AAMP: variants seen among roughly 807,000 people sequenced by gnomAD.
AAMP encodes the protein angio-associated migratory cell protein.
A neutral mutation model predicts 51.1 loss-of-function variants in AAMP; 12 were observed. The ratio of observed to expected loss-of-function variants is 0.23; its 90% CI spans 0.15 to 0.38. The LOEUF (loss-of-function observed/expected upper bound fraction) is 0.38, where lower values mean the gene tolerates loss of function less well. AAMP is among the 10% of genes least tolerant of loss of function. The pLI is 1.00. For synonymous variants in AAMP, 210 were observed against 218.7 expected (o/e 0.96, Z 0.35); for missense variants, 418 against 557.2 (o/e 0.75, Z 2.52).
Position 218,266,084 on chromosome 2 carries a change from C to G in AAMP, c.743G>C (p.Ser248Thr). 1 of 1,614,200 alleles carries G rather than the reference C, an allele frequency of 6.2e-7. No individual in the cohort carries two copies. Among genetic ancestry groups the G allele is most frequent in the East Asian group, 2.2e-5 (1 of 44,878 alleles). ...GATACCTTTCAGTACATGGATAGGG[C>G]TTCCCTGCTTCAGGTCCCAAATCCT... Reference protein sequence around the residue: ...TIRIWDLKQGSPIHVLKGTEG... With the variant: ...TIRIWDLKQGTPIHVLKGTEG... The change falls in exon 6 of 11, where the codon AGC (serine) becomes ACC (threonine). Residue 248 changes from serine (S) to threonine (T), a missense_variant. Coordinates refer to ENST00000248450, the MANE Select transcript of AAMP (RefSeq NM_001087.5). This position sits in a 1 kb window ranked among gnomAD's most constrained non-coding sequence, Gnocchi z 4.7.
Position 218,267,372 on chromosome 2 carries a change from C to G in AAMP, c.394+122G>C. On this transcript the variant is annotated intron_variant, in intron 3 of 10. Transcript: ENST00000248450. This position sits in a 1 kb window ranked among gnomAD's most constrained non-coding sequence, Gnocchi z 4.6. Reference sequence around the variant, plus strand: ...CGCCCCGTGTCCCTGGGGCCCAGCACAGAGCTGGCACAAAAGAGATGTCAC... The same window carrying G: ...CGCCCCGTGTCCCTGGGGCCCAGCAGAGAGCTGGCACAAAAGAGATGTCAC... 6.9e-7 allele frequency: 1 copy of G among 1,446,670 alleles called. No homozygotes were observed. The highest frequency in any genetic ancestry group is 1.3e-5 in the South Asian group (1 of 78,494). The allele number at this position is 1,446,670 out of a possible 1,614,324, so 89.6% of individuals were successfully genotyped here. A position where few individuals can be genotyped will look rare whatever the true frequency, so the allele number is the denominator to read the frequency against.
intron 1 of AAMP, 25 bp downstream of exon 1, chr2:218,269,941 T>C (rs371008027): frequency 1.2e-6 from 2 of 1,613,918 alleles, no homozygotes; most frequent in Admixed American, 1.7e-5. Context: ...TCCTGTCCCA[T>C]GGCCTGAGGA....
Position 218,266,192 on chromosome 2 carries a change from A to C in AAMP, c.680-45T>G, listed in dbSNP as rs776528155. On this transcript the variant is annotated intron_variant, in intron 5 of 10. Coordinates refer to ENST00000248450, the MANE Select transcript of AAMP (RefSeq NM_001087.5). This position sits in a 1 kb window ranked among gnomAD's most constrained non-coding sequence, Gnocchi z 4.7. ...AAGAGAGGGCAGAGGGCACGCTCAC[A>C]TACACTAAGCAAGGGAATGGGGAGA... 1 of 1,553,402 alleles carries C rather than the reference A, an allele frequency of 6.4e-7. No individual in the cohort carries two copies. The highest frequency in any genetic ancestry group is 8.9e-7 in the Non-Finnish European group (1 of 1,125,218).
rs149305378 is a variant in AAMP at position 218,270,045 on chromosome 2, G to C, written c.42C>G (p.Pro14=). The C allele has an allele frequency of 2.0e-5, 32 of 1,614,022 alleles. No homozygotes were observed. Among genetic ancestry groups the C allele is most frequent in the Non-Finnish European group, 1.9e-5 (22 of 1,180,010 alleles). ...CATGGAAGCTTAGGGTCTCCAGTGG[G>C]GGGGTGTCAGCAGCAGCCCCGCTTT... The part of the protein sequence containing the change: ...ESESGAAADT[P]PLETLSFHGD... Residue 14 remains proline, a synonymous_variant, in exon 1 of 11, where the codon CCC becomes CCG. Coordinates refer to ENST00000248450, the MANE Select transcript of AAMP (RefSeq NM_001087.5).
chr2:218,266,369 C>T lies in AAMP; in HGVS notation c.679+74G>A. The T allele has an allele frequency of 1.3e-6, 2 of 1,565,764 alleles. No homozygotes were observed. The highest frequency in any genetic ancestry group is 1.7e-6 in the Non-Finnish European group (2 of 1,149,282). ...ATTTTGCCGGCTGTGACCCAGAAGGCTGCTCTGGGAGGTGTATATCCCGGG... is the reference window on the plus strand; with the variant it reads ...ATTTTGCCGGCTGTGACCCAGAAGGTTGCTCTGGGAGGTGTATATCCCGGG... On this transcript the variant is annotated intron_variant, in intron 5 of 10. Coordinates refer to ENST00000248450, the MANE Select transcript of AAMP (RefSeq NM_001087.5). This position sits in a 1 kb window ranked among gnomAD's most constrained non-coding sequence, Gnocchi z 4.7.
chr2:218,268,675 T>TAACTTTTATC (rs1481542058), intron 2 of AAMP, among the ~76,000 whole-genome samples: 1 of 151,466 alleles, frequency 6.6e-6, no homozygotes, highest in Non-Finnish European at 1.5e-5. Context: ...CTACTTTTAT[T>TAACTTTTATC]AACTTTTATC....
intron 1 of AAMP, 53 bp downstream of exon 1, chr2:218,269,913 A>T: frequency 6.2e-7 from 1 of 1,609,266 alleles, no homozygotes; most frequent in Non-Finnish European, 8.5e-7. Flanking sequence ...CAGGAGTCAG[A>T]GGCCAGGGGT....
Position 218,270,097 on chromosome 2 carries a change from C to T in AAMP, c.-11G>A. 3.7e-6 allele frequency: 6 copies of T among 1,613,434 alleles called. No homozygotes were observed. The highest frequency in any genetic ancestry group is 5.1e-6 in the Non-Finnish European group (6 of 1,179,708). On this transcript the variant is annotated 5_prime_UTR_variant, in exon 1 of 11. Coordinates refer to ENST00000248450, the MANE Select transcript of AAMP (RefSeq NM_001087.5). Reference sequence around the variant, plus strand: ...CGATTCGGACTCCATGCGGCGCAAGCGGCGGATCCACTTCTCTGGGCCCAA... The same window carrying T: ...CGATTCGGACTCCATGCGGCGCAAGTGGCGGATCCACTTCTCTGGGCCCAA...
chr2:218,269,052 C>T (rs769090345), intron 2 of AAMP, among the ~76,000 whole-genome samples: 2 of 151,988 alleles, frequency 1.3e-5, no homozygotes, highest in East Asian at 1.9e-4. Context: ...AGGCTGGTCT[C>T]GAACTCCTGA....
Position 218,266,324 on chromosome 2 carries a change from C to T in AAMP, c.679+119G>A. ...AACTTTGGGGCCCAGGAGGTCAGCA[C>T]TGCAAACAGCAGGCCTCAGATTTTG... On this transcript the variant is annotated intron_variant, in intron 5 of 10. Coordinates refer to ENST00000248450, the MANE Select transcript of AAMP (RefSeq NM_001087.5). The surrounding 1 kb of genome is among the most constrained non-coding windows in gnomAD (Gnocchi z 4.7). 3 of 1,464,986 alleles carry T rather than the reference C, an allele frequency of 2.0e-6. No individual in the cohort carries two copies. Among genetic ancestry groups the T allele is most frequent in the Non-Finnish European group, 2.8e-6 (3 of 1,071,416 alleles). The allele number at this position is 1,464,986 out of a possible 1,614,324, so 90.7% of individuals were successfully genotyped here.
chr2:218,266,204 AGGGAATGG>A lies in AAMP; in HGVS notation c.680-65_680-58del. ...AGGGCACGCTCACATACACTAAGCA[AGGGAATGG>A]GGAGAGGGAGAGGAAAGAAGAGTGG... On this transcript the variant is annotated intron_variant, in intron 5 of 10. Coordinates refer to ENST00000248450, the MANE Select transcript of AAMP (RefSeq NM_001087.5). The surrounding 1 kb of genome is among the most constrained non-coding windows in gnomAD (Gnocchi z 4.7). The A allele has an allele frequency of 1.3e-6, 2 of 1,515,576 alleles. No individual in the cohort carries two copies. The highest frequency in any genetic ancestry group is 1.8e-6 in the Non-Finnish European group (2 of 1,091,314). The allele number at this position is 1,515,576 out of a possible 1,614,324, so 93.9% of individuals were successfully genotyped here.
At chr2:218,269,677 G>T in intron 1 of AAMP, 143 bp from the exon 2 acceptor site, 2 of 1,404,746 alleles carry the variant, frequency 1.4e-6, no homozygotes, top group Non-Finnish European at 2.0e-6. Context: ...GCGGGGGCGC[G>T]CGGGACACAG....
chr2:218,269,877 C>T (rs1690749532), intron 1 of AAMP, 89 bp downstream of exon 1: 2 of 1,570,586 alleles, frequency 1.3e-6, no homozygotes, highest in Non-Finnish European at 1.7e-6. Context: ...AATGACCAGT[C>T]GGGTGTGGAG....
intron 1 of AAMP, 83 bp from the exon 2 acceptor site, chr2:218,269,617 G>A (rs780388357): frequency 1.7e-5 from 27 of 1,606,724 alleles, no homozygotes; most frequent in Non-Finnish European, 2.2e-5. Context: ...CTGAGGCTGG[G>A]GCGGGTCATG....
Position 218,265,848 on chromosome 2 carries a change from T to C in AAMP, c.862A>G (p.Ser288Gly). ...GSVDCQAKLV[S>G]ATTGKVVGVF... ...CCACTCACCTTGCCGGTGGTGGCAC[T>C]GACCAGCTTGGCCTGGCAGTCCACA... The change falls in exon 7 of 11, where the codon AGT becomes GGT. Residue 288 changes from serine (S) to glycine (G), a missense_variant. Ser to Gly is a moderately conservative substitution (Grantham distance 56). Coordinates refer to ENST00000248450, the MANE Select transcript of AAMP (RefSeq NM_001087.5). The surrounding 1 kb of genome is among the most constrained non-coding windows in gnomAD (Gnocchi z 6.6). The C allele has an allele frequency of 6.2e-7, 1 of 1,613,312 alleles. No homozygotes were observed.
rs1351842865 is a variant in AAMP, at chr2:218,266,835, T to C, written c.534+12A>G. 1 of 1,613,926 alleles carries C rather than the reference T, an allele frequency of 6.2e-7. No homozygotes were observed. The highest frequency in any genetic ancestry group is 8.5e-7 in the Non-Finnish European group (1 of 1,180,026). On this transcript the variant is annotated intron_variant, in intron 4 of 10. Transcript: ENST00000248450. The surrounding 1 kb of genome is among the most constrained non-coding windows in gnomAD (Gnocchi z 4.7). ...GGCCCCACAGAGCTGACTCCCGCTC[T>C]GATGATCTTACCTCCAGGTCTCCCG...
rs560590209 is a variant in AAMP, at chr2:218,267,560, C to T, written c.328G>A (p.Gly110Arg). The change falls in exon 3 of 11, where the codon GGG becomes AGG. Residue 110 changes from glycine (G) to arginine (R), a missense_variant. Physicochemically the swap from Gly to Arg is moderately radical, Grantham distance 125. Transcript: ENST00000248450. The surrounding 1 kb of genome is among the most constrained non-coding windows in gnomAD (Gnocchi z 4.6). ...ACGAAGGCTTTGTCATCTTCACCCC[C>T]GGTCACTGCCAAGGTATTGGTCTTG... ...DPKTNTLAVTGGEDDKAFVWR... is the reference protein window; with the variant it reads ...DPKTNTLAVTRGEDDKAFVWR... 5.0e-6 allele frequency: 8 copies of T among 1,614,166 alleles called. No individual in the cohort carries two copies. Among genetic ancestry groups the T allele is most frequent in the African/African-American group, 2.7e-5 (2 of 75,038 alleles).
intron 1 of AAMP, 129 bp from the exon 2 acceptor site, chr2:218,269,663 G>A (rs1313529562): frequency 2.2e-5 from 33 of 1,496,184 alleles, no homozygotes; most frequent in Non-Finnish European, 2.8e-5. Flanking sequence ...ACACACCGGG[G>A]TCCGCGGGGG....
chr2:218,266,572 G>A lies in AAMP; in HGVS notation c.550C>T (p.Pro184Ser). ...CCCGCCAACAGGACAGGTGCCCGAG[G>A]ATGCCACTCCATCCACTGGACAGGG... ...AGDLEWMEWHPRAPVLLAGTA... is the reference protein window; with the variant it reads ...AGDLEWMEWHSRAPVLLAGTA... The change falls in exon 5 of 11, where the codon CCT (proline) becomes TCT (serine). Residue 184 changes from proline (P) to serine (S), a missense_variant. Coordinates refer to ENST00000248450, the MANE Select transcript of AAMP (RefSeq NM_001087.5). This position sits in a 1 kb window ranked among gnomAD's most constrained non-coding sequence, Gnocchi z 4.7. 1.9e-6 allele frequency: 3 copies of A among 1,613,322 alleles called. No individual in the cohort carries two copies. Among genetic ancestry groups the A allele is most frequent in the Non-Finnish European group, 2.5e-6 (3 of 1,179,694 alleles).
Sources: gnomAD v4.1 joint callset for allele counts (sites outside exome capture counted in the v4.1 genomes callset) on GRCh38, gnomAD v4.1.1 for gene constraint, Gnocchi (gnomAD v3.1) non-coding constraint, MANE v1.5 for transcripts, NCBI Gene and HGNC (gene_info 2026-07-23, HGNC 2026-07-21) for gene names.